The following PSMD11 variants were observed in gnomAD, a reference collection of about 807,000 sequenced individuals.
PSMD11 encodes the protein 26S proteasome non-ATPase regulatory subunit 11.
A neutral mutation model predicts 62.3 loss-of-function variants in PSMD11; 5 were observed. The ratio of observed to expected loss-of-function variants is 0.08; its 90% CI spans 0.04 to 0.17. The LOEUF is 0.17. Ranked by LOEUF, PSMD11 falls within the 10% of genes least tolerant of loss-of-function variation. PSMD11 has a pLI of 1.00. For missense variants in PSMD11, 310 were observed against 512.9 expected, an observed-to-expected ratio of 0.60 and a Z score of 3.82; for synonymous variants, 191 against 191.8, an observed-to-expected ratio of 1.00 and a Z score of 0.03.
intron 2 of PSMD11, 142 bp downstream of exon 2, chr17:32,447,188 G>A (rs1907356785): frequency 3.4e-6 from 2 of 592,856 alleles, no homozygotes; most frequent in Non-Finnish European, 2.8e-6. Context: ...TTTTTAGCAG[G>A]CAATTAAGTG....
Position 32,481,163 on chromosome 17 carries a change from A to G in PSMD11, c.*411A>G, listed in dbSNP as rs917037322. 1.3e-5 allele frequency: 2 copies of G among 153,960 alleles called. No homozygotes were observed. The highest frequency in any genetic ancestry group is 4.8e-5 in the African/African-American group (2 of 41,450). The allele number at this position is 153,960 out of a possible 1,614,324, so 9.5% of individuals were successfully genotyped here. A position where few individuals can be genotyped will look rare whatever the true frequency, so the allele number is the denominator to read the frequency against. On this transcript the variant is annotated 3_prime_UTR_variant, in exon 14 of 14. Coordinates refer to ENST00000261712, the MANE Select transcript of PSMD11 (RefSeq NM_002815.4). ...GGGTGTTTGCTGACCATCAAAAGCA[A>G]TGACTTTTTATTCTGTTTGTACTGA...
At chr17:32,473,582 A>ATT (rs112811195) in intron 6 of PSMD11, among the ~76,000 whole-genome samples, 4 of 136,032 alleles carry the variant, frequency 2.9e-5, no homozygotes, top group Non-Finnish European at 1.6e-5. Context: ...CGTGCCCAGC[A>ATT]TTTTTTTTTT....
intron 3 of PSMD11, chr17:32,463,323 A>T (rs1907895060): frequency 6.6e-6 from 1 of 152,112 alleles, no homozygotes; most frequent in Non-Finnish European, 1.5e-5. Context: ...AAGCGCTTTT[A>T]CGTGTTAGGC....
intron 2 of PSMD11, among the ~76,000 whole-genome samples, chr17:32,447,502 A>G (rs528910499): frequency 1.4e-4 from 21 of 152,312 alleles, no homozygotes; most frequent in Non-Finnish European, 2.6e-4. Context: ...GAGCCTTCCC[A>G]AGACTTCTGC....
At chr17:32,480,248 TGAA>T (rs1175514270) in intron 12 of PSMD11, 51 bp downstream of exon 12, 5 of 1,577,874 alleles carry the variant, frequency 3.2e-6, no homozygotes, top group Non-Finnish European at 4.4e-6. Flanking sequence ...ATGAGATGGT[TGAA>T]GAAGTTTATT....
intron 11 of PSMD11, 81 bp from the exon 12 acceptor site, chr17:32,480,065 A>AC: frequency 1.3e-6 from 2 of 1,539,704 alleles, no homozygotes; most frequent in Non-Finnish European, 1.8e-6. Flanking sequence ...TTGGCCTAAG[A>AC]CCCCTCCAAC....
At chr17:32,457,534 C>G (rs1907687457) in intron 3 of PSMD11, among the ~76,000 whole-genome samples, 1 of 152,178 alleles carries the variant, frequency 6.6e-6, no homozygotes, top group Non-Finnish European at 1.5e-5. Context: ...CTACGCCCGG[C>G]TAAGGCTGAT....
At chr17:32,451,188 C>T (rs957218334) in intron 2 of PSMD11, among the ~76,000 whole-genome samples, 4 of 151,694 alleles carry the variant, frequency 2.6e-5, no homozygotes, top group African/African-American at 4.8e-5. Context: ...TTGCTTCTTT[C>T]GGCGTAAGAA....
At position 32,482,026 on chromosome 17, in the gene PSMD11, C is replaced by G. The variant is rs1908510103; in HGVS notation, c.*1274C>G. On this transcript the variant is annotated 3_prime_UTR_variant, in exon 14 of 14. Transcript: ENST00000261712. The stretch of plus-strand genomic sequence containing the variant: ...GTTGTGCTGAACTGTATTTTCTTCT[C>G]TCATCTCCTCTTTGTCTTTTTCTCT... 1 of 152,108 alleles carries G rather than the reference C, an allele frequency of 6.6e-6. No individual in the cohort carries two copies. Among genetic ancestry groups the G allele is most frequent in the South Asian group, 2.1e-4 (1 of 4,834 alleles). 9.4% of individuals were successfully genotyped at this position (152,108 alleles called of 1,614,324 possible).
At chr17:32,450,183 G>A (rs531872248) in intron 2 of PSMD11, among the ~76,000 whole-genome samples, 1 of 151,650 alleles carries the variant, frequency 6.6e-6, no homozygotes, top group East Asian at 1.9e-4. Flanking sequence ...CTGATCTTGG[G>A]CTCCTGACCT....
chr17:32,479,000 C>T (rs546859402), intron 9 of PSMD11, among the ~76,000 whole-genome samples: 13 of 152,204 alleles, frequency 8.5e-5, no homozygotes, highest in African/African-American at 2.6e-4. Flanking sequence ...GACTTGAACT[C>T]TTGGGCTCCA....
intron 7 of PSMD11, among the ~76,000 whole-genome samples, chr17:32,474,339 A>C (rs1388024665): frequency 6.6e-6 from 1 of 152,242 alleles, no homozygotes; most frequent in Non-Finnish European, 1.5e-5. Flanking sequence ...GGACAACAAA[A>C]GTATGACAGA....
At position 32,479,348 on chromosome 17, in the gene PSMD11, G is replaced by A. The variant is rs201116985; in HGVS notation, c.1010G>A (p.Arg337Gln). Residue 337 changes from arginine (R) to glutamine (Q), a missense_variant, in exon 10 of 14, where the codon CGA (arginine) becomes CAA (glutamine). Around this residue, in one of 6 missense-constraint regions of PSMD11, gnomAD observed 135 missense variants for 195.4 expected, o/e 0.69. Transcript: ENST00000261712. The stretch of plus-strand genomic sequence containing the variant: ...AACTTACTAGAACAGAATCTGATCC[G>A]AGTCATTGAGCCTTTTTCCAGAGTA... ...YDNLLEQNLI[R>Q]VIEPFSRVQI... 3 of 1,614,046 alleles carry A rather than the reference G, an allele frequency of 1.9e-6. No homozygotes were observed. The highest frequency in any genetic ancestry group is 2.2e-5 in the East Asian group (1 of 44,882).
At chr17:32,464,777 A>G (rs1160171949) in intron 5 of PSMD11, among the ~76,000 whole-genome samples, 199 bp downstream of exon 5, 2 of 152,246 alleles carry the variant, frequency 1.3e-5, no homozygotes, top group Non-Finnish European at 2.9e-5. Context: ...TAATCTGTCA[A>G]ATTTAGAGGA....
chr17:32,469,268 T>TG, intron 6 of PSMD11, 75 bp downstream of exon 6: 1 of 1,456,628 alleles, frequency 6.9e-7, no homozygotes, highest in African/African-American at 1.4e-5. Context: ...GAATGGGGGT[T>TG]GGGGCTGGAG....
chr17:32,473,560 G>A (rs1426519891), intron 6 of PSMD11, among the ~76,000 whole-genome samples: 2 of 151,754 alleles, frequency 1.3e-5, no homozygotes, highest in East Asian at 1.9e-4. Flanking sequence ...GATTATAGGC[G>A]TGAGCTGAAA....
chr17:32,477,683 G>C, intron 9 of PSMD11, 100 bp downstream of exon 9: 3 of 1,134,748 alleles, frequency 2.6e-6, no homozygotes, highest in Non-Finnish European at 3.8e-6. Context: ...TTCAAAAGAA[G>C]TTGCAAATGA....
chr17:32,470,393 T>C (rs1281797603), intron 6 of PSMD11, among the ~76,000 whole-genome samples: 1 of 151,826 alleles, frequency 6.6e-6, no homozygotes, highest in African/African-American at 2.4e-5. Context: ...GCTCACTGCA[T>C]CCACTGTCTC....
chr17:32,478,618 T>C (rs1908397166), intron 9 of PSMD11, among the ~76,000 whole-genome samples: 1 of 152,258 alleles, frequency 6.6e-6, no homozygotes, highest in Non-Finnish European at 1.5e-5. Context: ...CACCTAATTT[T>C]GCTTAATCAT....
Sources: gnomAD v4.1 joint callset for allele counts (sites outside exome capture counted in the v4.1 genomes callset) on GRCh38, gnomAD v4.1.1 for gene constraint, gnomAD v4.1.1 regional missense constraint, MANE v1.5 for transcripts, NCBI Gene and HGNC (gene_info 2026-07-23, HGNC 2026-07-21) for gene names.